Variants in ARMC9 observed in about 807,000 individuals in gnomAD.
ARMC9 encodes lisH domain-containing protein ARMC9.
In ARMC9, 94 loss-of-function variants were observed where a neutral mutation model predicts 107.0. The ratio of observed to expected loss-of-function variants is 0.88; its 90% CI spans 0.74 to 1.04. The LOEUF (loss-of-function observed/expected upper bound fraction) is 1.04. ARMC9 is among the 50% of genes least tolerant of loss of function. ARMC9 has a pLI of 0.00. For synonymous variants in ARMC9, 380 were observed against 396.9 expected (o/e 0.96, Z 0.51); for missense variants, 942 against 1,030.1 (o/e 0.91, Z 1.17).
At chr2:231,277,815 G>A (rs1238801550) in intron 15 of ARMC9, among the ~76,000 whole-genome samples, 7 of 152,022 alleles carry the variant, frequency 4.6e-5, no homozygotes, top group East Asian at 1.9e-4. Context: ...CACCCACTTC[G>A]CCCTCCCAAA....
At chr2:231,235,407 A>G (rs762865719) in intron 8 of ARMC9, 26 bp downstream of exon 8, 4 of 1,613,100 alleles carry the variant, frequency 2.5e-6, no homozygotes, top group African/African-American at 1.3e-5. Context: ...AATTGTGTGT[A>G]TGTCTGTTTG....
chr2:231,364,689 T>G (rs188314145), intron 23 of ARMC9, among the ~76,000 whole-genome samples: 2 of 151,654 alleles, frequency 1.3e-5, no homozygotes, highest in Non-Finnish European at 2.9e-5. Context: ...TCCCAGCTAC[T>G]CGGGAAGCTG....
intron 21 of ARMC9, among the ~76,000 whole-genome samples, chr2:231,351,205 G>A (rs1201907053): frequency 1.3e-5 from 2 of 149,022 alleles, no homozygotes; most frequent in Admixed American, 6.7e-5. Flanking sequence ...CGCCTGTCTC[G>A]GCCTCCCAAA....
chr2:231,292,155 G>A (rs1298644200), intron 18 of ARMC9, among the ~76,000 whole-genome samples: 13 of 138,044 alleles, frequency 9.4e-5, no homozygotes, highest in Admixed American at 4.6e-4. Flanking sequence ...GCGACAGAGC[G>A]AAACTCCTTC....
chr2:231,333,305 C>T (rs922986699), intron 20 of ARMC9, among the ~76,000 whole-genome samples: 1 of 152,208 alleles, frequency 6.6e-6, no homozygotes, highest in African/African-American at 2.4e-5. Flanking sequence ...AAGGAAGTGA[C>T]TCGGTTTGAC....
At chr2:231,252,586 C>T (rs2037400528) in intron 9 of ARMC9, among the ~76,000 whole-genome samples, 1 of 152,118 alleles carries the variant, frequency 6.6e-6, no homozygotes, top group South Asian at 2.1e-4. Flanking sequence ...CCTTACTTGA[C>T]CCGTCTGACT....
intron 19 of ARMC9, among the ~76,000 whole-genome samples, chr2:231,304,585 CAG>C (rs1287600355): frequency 6.6e-6 from 1 of 152,118 alleles, no homozygotes; most frequent in Non-Finnish European, 1.5e-5. Flanking sequence ...TTAGTAGAGA[CAG>C]GGCTTCACTA....
chr2:231,278,535 A>G, intron 16 of ARMC9, 77 bp downstream of exon 16: 3 of 1,286,920 alleles, frequency 2.3e-6, no homozygotes, highest in African/African-American at 1.5e-5. Context: ...CCACAGGCAC[A>G]CAGCTGGCCC....
intron 23 of ARMC9, among the ~76,000 whole-genome samples, chr2:231,367,587 C>T (rs1417601609): frequency 6.6e-6 from 1 of 152,172 alleles, no homozygotes; most frequent in Non-Finnish European, 1.5e-5. Flanking sequence ...TCATGTGAGT[C>T]GTTTTTACTA....
intron 19 of ARMC9, among the ~76,000 whole-genome samples, chr2:231,318,371 T>C (rs1401473491): frequency 1.3e-5 from 2 of 152,120 alleles, no homozygotes; most frequent in African/African-American, 4.8e-5. Flanking sequence ...GAGGAATACA[T>C]TTGCAAGCAC....
intron 24 of ARMC9, 122 bp from the exon 25 acceptor site, chr2:231,371,391 G>A: frequency 8.5e-7 from 1 of 1,176,312 alleles, no homozygotes; most frequent in Non-Finnish European, 1.1e-6. Context: ...CAGAACAGGT[G>A]ACCTGGGAGA....
At chr2:231,223,958 C>T (rs146652451) in intron 6 of ARMC9, among the ~76,000 whole-genome samples, 48 of 152,092 alleles carry the variant, frequency 3.2e-4, no homozygotes, top group South Asian at 8.3e-4. Flanking sequence ...TATTTGAATA[C>T]GCTTTAAAAA....
At chr2:231,309,090 C>T (rs2042194451) in intron 19 of ARMC9, among the ~76,000 whole-genome samples, 1 of 152,220 alleles carries the variant, frequency 6.6e-6, no homozygotes, top group South Asian at 2.1e-4. Context: ...CTTTCTGGTA[C>T]CTTTTCAGCT....
intron 9 of ARMC9, among the ~76,000 whole-genome samples, chr2:231,241,416 A>G (rs1461082740): frequency 6.6e-6 from 1 of 151,720 alleles, no homozygotes; most frequent in Non-Finnish European, 1.5e-5. Context: ...AAGTACAGGA[A>G]CCCACGGGCC....
At chr2:231,284,500 G>T (rs1327865592) in intron 17 of ARMC9, among the ~76,000 whole-genome samples, 1 of 152,184 alleles carries the variant, frequency 6.6e-6, no homozygotes, top group African/African-American at 2.4e-5. Context: ...TCAGCAGGAG[G>T]CCTCAGTTTT....
chr2:231,351,374 T>TC (rs2045072726), intron 21 of ARMC9, among the ~76,000 whole-genome samples: 1 of 152,092 alleles, frequency 6.6e-6, no homozygotes, highest in Non-Finnish European at 1.5e-5. Context: ...CTGTACTCGC[T>TC]CCCTCTGGAA....
chr2:231,276,873 T>G, intron 15 of ARMC9, 98 bp downstream of exon 15: 2 of 1,475,292 alleles, frequency 1.4e-6, no homozygotes, highest in Non-Finnish European at 1.8e-6. Flanking sequence ...GCTTTTAGTC[T>G]CATAGAAAAC....
At chr2:231,286,678 A>G (rs1413703803) in intron 17 of ARMC9, among the ~76,000 whole-genome samples, 3 of 152,308 alleles carry the variant, frequency 2.0e-5, no homozygotes, top group East Asian at 3.9e-4. Context: ...TCTATTGAAG[A>G]TGATAATTAG....
rs548762686 is a variant in ARMC9 at position 231,374,883 on chromosome 2, A to G, written c.*3348A>G. On this transcript the variant is annotated 3_prime_UTR_variant, in exon 25 of 25. Transcript: ENST00000611582. Reference sequence around the variant, plus strand: ...CCTTTAAATTTTGTATGCAAGGTGAATACCTCACCCCTCTCTCCTGGCCTA... The same window carrying G: ...CCTTTAAATTTTGTATGCAAGGTGAGTACCTCACCCCTCTCTCCTGGCCTA... 1 of 152,242 alleles carries G rather than the reference A, an allele frequency of 6.6e-6. No homozygotes were observed. The highest frequency in any genetic ancestry group is 2.1e-4 in the South Asian group (1 of 4,814). The allele number at this position is 152,242 out of a possible 1,614,324, so 9.4% of individuals were successfully genotyped here.
Sources: allele counts gnomAD v4.1 joint callset (sites outside exome capture counted in the v4.1 genomes callset), GRCh38; gene constraint gnomAD v4.1.1; transcripts MANE v1.5; gene names NCBI Gene and HGNC (gene_info 2026-07-23, HGNC 2026-07-21).